The following IGSF10 variants were observed in gnomAD, a reference collection of about 807,000 sequenced individuals.
IGSF10 encodes immunoglobulin superfamily member 10, also known as calvaria mechanical force protein 608.
Under a neutral mutation model 128.2 loss-of-function variants are expected in IGSF10, and 126 were observed. That is an observed-to-expected ratio of 0.98 (90% CI 0.85 to 1.14). IGSF10 has a LOEUF of 1.14. IGSF10 is among the 50% of genes most tolerant of loss of function. The pLI, the probability that IGSF10 is intolerant of heterozygous loss-of-function variation, is 0.00. For missense variants in IGSF10, 3,295 were observed against 3,149.8 expected, an observed-to-expected ratio of 1.05 and a Z score of -1.10; for synonymous variants, 1,185 against 1,146.2, an observed-to-expected ratio of 1.03 and a Z score of -0.68.
At chr3:151,466,865 C>G in the IGSF10 span, among the ~76,000 whole-genome samples, 1 of 152,160 alleles carries the variant, frequency 6.6e-6, no homozygotes, top group Admixed American at 6.5e-5. Context: ...AGTAGTGAGC[C>G]ATTATGCCTG....
At chr3:151,470,972 C>T in the IGSF10 span, among the ~76,000 whole-genome samples, 1 of 152,070 alleles carries the variant, frequency 6.6e-6, no homozygotes, top group Non-Finnish European at 1.5e-5. Flanking sequence ...TATCTCTGCC[C>T]AATGATGGTG....
chr3:151,527,351 G>A, the IGSF10 span, among the ~76,000 whole-genome samples: 1 of 152,040 alleles, frequency 6.6e-6, no homozygotes, highest in Non-Finnish European at 1.5e-5. Flanking sequence ...ATGTCTGTGG[G>A]GTCATCTATT....
the IGSF10 span, among the ~76,000 whole-genome samples, chr3:151,539,846 GTCTA>G: frequency 0.013 from 1,904 of 151,136 alleles, 45 homozygotes; most frequent in African/African-American, 0.043. Context: ...CTATCTATCT[GTCTA>G]TCTATCATCT....
intron 2 of IGSF10, among the ~76,000 whole-genome samples, chr3:151,459,895 G>T (rs1344468275): frequency 6.6e-6 from 1 of 151,928 alleles, no homozygotes; most frequent in East Asian, 1.9e-4. Flanking sequence ...ATAACACTGG[G>T]GCTGAACTGC....
rs1720548227 is a variant in IGSF10, at chr3:151,438,190, G to T, written c.6371C>A (p.Thr2124Asn). 5 of 1,614,088 alleles carry T rather than the reference G, an allele frequency of 3.1e-6. No homozygotes were observed. Among genetic ancestry groups the T allele is most frequent in the African/African-American group, 1.3e-5 (1 of 75,008 alleles). The change falls in exon 8 of 8, where the codon ACC (threonine) becomes AAC (asparagine). Residue 2124 changes from threonine to asparagine, a missense_variant. Coordinates refer to ENST00000282466, the MANE Select transcript of IGSF10 (RefSeq NM_178822.5). ...EGDYTCYAQN[T>N]LGKDEMKVHL... ...GACCTTCATTTCATCTTTCCCTAGG[G>T]TGTTCTGGGCATAGCAAGTATAATC... is the stretch of plus-strand genomic sequence containing the variant.
Position 151,445,035 on chromosome 3 carries a change from C to G in IGSF10, c.4946G>C (p.Arg1649Thr), listed in dbSNP as rs774688426. The change falls in exon 6 of 8, where the codon AGG becomes ACG. Residue 1649 changes from arginine (R) to threonine (T), a missense_variant. Physicochemically the swap from Arg to Thr is moderately conservative, Grantham distance 71. Coordinates refer to ENST00000282466, the MANE Select transcript of IGSF10 (RefSeq NM_178822.5). Reference sequence around the variant, plus strand: ...ACTTGCAGCTTTTCCTCCAACTATCCTGGGCTTTTCAAATATATACCTAGA... The same window carrying G: ...ACTTGCAGCTTTTCCTCCAACTATCGTGGGCTTTTCAAATATATACCTAGA... ...SLSRYIFEKP[R>T]IVGGKAASFT... 2 of 1,614,050 alleles carry G rather than the reference C, an allele frequency of 1.2e-6. No individual in the cohort carries two copies. The highest frequency in any genetic ancestry group is 1.7e-5 in the Admixed American group (1 of 59,998).
chr3:151,552,965 G>C, the IGSF10 span, among the ~76,000 whole-genome samples: 82 of 152,190 alleles, frequency 5.4e-4, 1 homozygote, highest in Non-Finnish European at 1.1e-3. Context: ...CCATGTCTAT[G>C]AATCCAAGTG....
chr3:151,448,987 A>C lies in IGSF10; in HGVS notation c.994T>G (p.Cys332Gly). The part of the protein sequence containing the change: ...DQSGNEANMV[C>G]SIQKPSRTSP... ...GTCCTTGAGGGCTTTTGAATACTGCAGACCATGTTAGCTTCATTTCCAGAC... is the reference window on the plus strand; with the variant it reads ...GTCCTTGAGGGCTTTTGAATACTGCCGACCATGTTAGCTTCATTTCCAGAC... The change falls in exon 6 of 8, where the codon TGC becomes GGC. Residue 332 changes from cysteine to glycine, a missense_variant. Transcript: ENST00000282466. The C allele has an allele frequency of 6.2e-7, 1 of 1,614,252 alleles. No homozygotes were observed. The highest frequency in any genetic ancestry group is 8.5e-7 in the Non-Finnish European group (1 of 1,180,040).
In IGSF10 at chr3:151,453,792, G is replaced by T. The variant is rs1447914347; in HGVS notation, c.325-18C>A. ...TTTAAGACCTATGAATTAAAAAAAA[G>T]AACATATTTATGTTGTCAAAGGAAT... is the stretch of plus-strand genomic sequence containing the variant. On this transcript the variant is annotated intron_variant, in intron 4 of 7. Coordinates refer to ENST00000282466, the MANE Select transcript of IGSF10 (RefSeq NM_178822.5). 1.4e-6 allele frequency: 2 copies of T among 1,411,938 alleles called. No individual in the cohort carries two copies. Among genetic ancestry groups the T allele is most frequent in the South Asian group, 2.8e-5 (2 of 70,578 alleles). 87.5% of individuals were successfully genotyped at this position (1,411,938 alleles called of 1,614,324 possible). A position where few individuals can be genotyped will look rare whatever the true frequency, so the allele number is the denominator to read the frequency against.
the IGSF10 span, among the ~76,000 whole-genome samples, chr3:151,491,442 G>A: frequency 6.6e-6 from 1 of 152,092 alleles, no homozygotes; most frequent in Non-Finnish European, 1.5e-5. Context: ...GCCAGGTGTG[G>A]TGGTGTGTGC....
chr3:151,494,481 A>AT, the IGSF10 span, among the ~76,000 whole-genome samples: 23 of 152,070 alleles, frequency 1.5e-4, no homozygotes, highest in South Asian at 1.9e-3. Flanking sequence ...AAAAATTTGG[A>AT]TTTTTTTCTT....
At chr3:151,444,028 C>G in intron 6 of IGSF10, 144 bp from the exon 7 acceptor site, 2 of 651,806 alleles carry the variant, frequency 3.1e-6, no homozygotes, top group Non-Finnish European at 5.1e-6. Flanking sequence ...AATCCCAACA[C>G]TTTGGGAGGC....
the IGSF10 span, among the ~76,000 whole-genome samples, chr3:151,475,544 C>T: frequency 3.3e-5 from 5 of 152,236 alleles, no homozygotes; most frequent in Non-Finnish European, 7.3e-5. Context: ...ACTTCAACCA[C>T]TCATACACTG....
chr3:151,513,484 C>G, the IGSF10 span, among the ~76,000 whole-genome samples: 1 of 152,142 alleles, frequency 6.6e-6, no homozygotes, highest in Admixed American at 6.6e-5. Context: ...ATAATAAGAG[C>G]TATCTATGAC....
At chr3:151,511,594 G>A in the IGSF10 span, among the ~76,000 whole-genome samples, 6 of 152,106 alleles carry the variant, frequency 3.9e-5, no homozygotes, top group Admixed American at 6.5e-5. Flanking sequence ...CATAATGACA[G>A]GATCAAATTC....
At chr3:151,555,327 AAC>A in the IGSF10 span, among the ~76,000 whole-genome samples, 1 of 152,086 alleles carries the variant, frequency 6.6e-6, no homozygotes, top group Non-Finnish European at 1.5e-5. Flanking sequence ...AGACAGACAA[AAC>A]ACTGGCCACT....
At chr3:151,518,662 T>C in the IGSF10 span, among the ~76,000 whole-genome samples, 1 of 151,850 alleles carries the variant, frequency 6.6e-6, no homozygotes, top group Non-Finnish European at 1.5e-5. Context: ...ACATAGGACT[T>C]TATCTGCATG....
At chr3:151,439,846 G>A (rs972547671) in intron 7 of IGSF10, among the ~76,000 whole-genome samples, 1 of 152,198 alleles carries the variant, frequency 6.6e-6, no homozygotes, top group Non-Finnish European at 1.5e-5. Context: ...TTTTAGACCA[G>A]TGGAGACTCA....
At chr3:151,458,450 T>C (rs1721903100) in intron 3 of IGSF10, 66 bp downstream of exon 3, 2 of 1,161,646 alleles carry the variant, frequency 1.7e-6, no homozygotes, top group African/African-American at 3.1e-5. Flanking sequence ...TCATAGATGT[T>C]TGAGGGACAA....
Sources: allele counts gnomAD v4.1 joint callset (sites outside exome capture counted in the v4.1 genomes callset), GRCh38; gene constraint gnomAD v4.1.1; transcripts MANE v1.5; gene names NCBI Gene and HGNC (gene_info 2026-07-23, HGNC 2026-07-21).